PTPRG: variants seen among roughly 807,000 people sequenced by gnomAD.
The protein encoded by PTPRG is receptor-type tyrosine-protein phosphatase gamma.
A neutral mutation model predicts 165.3 loss-of-function variants in PTPRG; 102 were observed. That is an observed-to-expected ratio of 0.62 (90% confidence interval 0.53 to 0.73). The LOEUF (loss-of-function observed/expected upper bound fraction) is 0.73. Ranked by LOEUF, PTPRG falls within the 30% of genes least tolerant of loss-of-function variation. The probability of loss-of-function intolerance (pLI) is 0.00; values close to 1 mark genes in which losing one functional copy is unlikely to be tolerated. For missense variants in PTPRG, 1,866 were observed against 1,861.4 expected, an observed-to-expected ratio of 1.00 and a Z score of -0.05; for synonymous variants, 675 against 669.5, an observed-to-expected ratio of 1.01 and a Z score of -0.13.
intron 2 of PTPRG, among the ~76,000 whole-genome samples, chr3:61,956,090 T>TTATA (rs139960761): frequency 0.062 from 9,184 of 149,002 alleles, 368 homozygotes; most frequent in South Asian, 0.18. Flanking sequence ...GGGAAAAAAA[T>TTATA]TATATATATA....
At chr3:61,823,915 A>G (rs2036030487) in intron 2 of PTPRG, among the ~76,000 whole-genome samples, 1 of 152,076 alleles carries the variant, frequency 6.6e-6, no homozygotes, top group South Asian at 2.1e-4. Flanking sequence ...TCACAAGGTC[A>G]GGAGATCGAG....
chr3:61,582,138 C>T (rs1355001497), intron 1 of PTPRG, among the ~76,000 whole-genome samples: 1 of 151,500 alleles, frequency 6.6e-6, no homozygotes, highest in Non-Finnish European at 1.5e-5. Context: ...CGGCTGATTT[C>T]TGTATTTTTT....
intron 1 of PTPRG, among the ~76,000 whole-genome samples, chr3:61,592,350 C>G (rs990968789): frequency 1.3e-5 from 2 of 152,086 alleles, no homozygotes; most frequent in Non-Finnish European, 2.9e-5. Flanking sequence ...GTGTTCCCGC[C>G]TTCAGAGCAA....
At chr3:62,053,103 G>T (rs1284482591) in intron 4 of PTPRG, among the ~76,000 whole-genome samples, 3 of 151,874 alleles carry the variant, frequency 2.0e-5, no homozygotes, top group African/African-American at 7.3e-5. Context: ...CTCTGGCTTT[G>T]ATTTTTTTTT....
At chr3:62,238,275 C>A (rs946054520) in intron 14 of PTPRG, among the ~76,000 whole-genome samples, 1 of 152,120 alleles carries the variant, frequency 6.6e-6, no homozygotes, top group Non-Finnish European at 1.5e-5. Flanking sequence ...TGAGCTCTTT[C>A]TTGTACCCAT....
chr3:61,623,563 T>C (rs944654143), intron 1 of PTPRG, among the ~76,000 whole-genome samples: 1 of 152,166 alleles, frequency 6.6e-6, no homozygotes, highest in Non-Finnish European at 1.5e-5. Context: ...GAGGTAGGTA[T>C]AGCTTGGGGT....
At chr3:61,927,912 G>A (rs2039264193) in intron 2 of PTPRG, among the ~76,000 whole-genome samples, 1 of 152,116 alleles carries the variant, frequency 6.6e-6, no homozygotes, top group Non-Finnish European at 1.5e-5. Context: ...CTTTCCAGGT[G>A]AGGTATACGT....
chr3:62,209,549 C>G (rs1324399232), intron 12 of PTPRG, among the ~76,000 whole-genome samples: 1 of 152,168 alleles, frequency 6.6e-6, no homozygotes, highest in East Asian at 1.9e-4. Flanking sequence ...TTAGTTACAT[C>G]AGGCACTTGT....
At chr3:61,956,279 CTCT>C in intron 2 of PTPRG, among the ~76,000 whole-genome samples, 1 of 82,676 alleles carries the variant, frequency 1.2e-5, no homozygotes, top group East Asian at 4.2e-4. Flanking sequence ...CACGCTGTCT[CTCT>C]CTCTCTCTCT....
At chr3:62,011,562 TTTAG>T (rs2041423545) in intron 4 of PTPRG, among the ~76,000 whole-genome samples, 2 of 151,570 alleles carry the variant, frequency 1.3e-5, no homozygotes, top group South Asian at 4.1e-4. Context: ...TTGGTTGAAA[TTTAG>T]TTAATGACTT....
In PTPRG at chr3:62,203,404, C is replaced by T. The variant is rs1205025610; in HGVS notation, c.1609C>T (p.Arg537Cys). ...SSFPSTVWPT[R>C]LPTAASASKQ... ...TTTCCCCAGCACTGTGTGGCCCACG[C>T]GCCTCCCGACGGCCGCCTCAGCCAG... The change falls in exon 12 of 30, where the codon CGC becomes TGC. Residue 537 changes from arginine (R) to cysteine (C), a missense_variant. Physicochemically the swap from Arg to Cys is radical, Grantham distance 180. Around this residue, in one of 3 missense-constraint regions of PTPRG, gnomAD observed 1,452 missense variants for 1,463.0 expected, o/e 0.99. Coordinates refer to ENST00000474889, the MANE Select transcript of PTPRG (RefSeq NM_002841.4). The surrounding 1 kb of genome is among the most constrained non-coding windows in gnomAD (Gnocchi z 6.4). The T allele has an allele frequency of 9.3e-6, 15 of 1,612,188 alleles. No individual in the cohort carries two copies. Among genetic ancestry groups the T allele is most frequent in the Non-Finnish European group, 1.1e-5 (13 of 1,179,504 alleles).
chr3:61,823,862 C>T (rs1038016359), intron 2 of PTPRG, among the ~76,000 whole-genome samples: 2 of 152,128 alleles, frequency 1.3e-5, no homozygotes, highest in African/African-American at 2.4e-5. Context: ...TGCAGTGGCT[C>T]ACGCCTGTAA....
At chr3:61,806,695 G>T (rs1381154022) in intron 2 of PTPRG, among the ~76,000 whole-genome samples, 2 of 152,112 alleles carry the variant, frequency 1.3e-5, no homozygotes. Flanking sequence ...AATAGGCTCC[G>T]ATGGGCCCAT....
intron 7 of PTPRG, among the ~76,000 whole-genome samples, chr3:62,157,703 A>G (rs780159505): frequency 5.9e-5 from 9 of 152,308 alleles, no homozygotes; most frequent in East Asian, 1.9e-4. Flanking sequence ...TTTGCCCACA[A>G]TCACACAACT....
At position 62,275,945 on chromosome 3, in the gene PTPRG, A is replaced by G; in HGVS notation, c.3538A>G (p.Arg1180Gly). The change falls in exon 24 of 30, where the codon AGA (arginine) becomes GGA (glycine). Residue 1180 changes from arginine to glycine, a missense_variant. By Grantham distance (125) the Arg-to-Gly change is moderately radical. This residue lies in a region of PTPRG where 1,452 missense variants were observed against 1,463.0 expected (regional missense o/e 0.99). Transcript: ENST00000474889. ...AQKECNKEKN[R>G]NSSVVPSERA... ...GAAAGAGTGTAACAAAGAAAAGAAC[A>G]GAAACTCTTCAGTTGTGCCATGTAA... The G allele has an allele frequency of 6.2e-7, 1 of 1,610,224 alleles. No homozygotes were observed. The highest frequency in any genetic ancestry group is 8.5e-7 in the Non-Finnish European group (1 of 1,176,938).
intron 2 of PTPRG, among the ~76,000 whole-genome samples, chr3:61,801,337 C>G (rs1355524825): frequency 6.8e-6 from 1 of 146,898 alleles, no homozygotes; most frequent in Non-Finnish European, 1.5e-5. Context: ...TTGAGACAGT[C>G]TTGCTCTGTC....
chr3:61,742,543 A>C lies in PTPRG; in HGVS notation c.86-6335A>C, dbSNP rs1410258407. On this transcript the variant is annotated intron_variant, in intron 1 of 29. Transcript: ENST00000474889. ...GTTTTTCTTGAGCAATGACACCAAG[A>C]AGTTGACAGCCAGGTGAATGTTATA... The C allele has an allele frequency of 1.9e-6, 3 of 1,596,340 alleles. No homozygotes were observed. The African/African-American group carries it at 4.0e-5, about 21-fold the overall frequency.
At chr3:62,159,400 C>G (rs1004929672) in intron 7 of PTPRG, among the ~76,000 whole-genome samples, 1 of 151,986 alleles carries the variant, frequency 6.6e-6, no homozygotes, top group Non-Finnish European at 1.5e-5. Context: ...ATATAGAATT[C>G]CATGTAAGGA....
intron 1 of PTPRG, among the ~76,000 whole-genome samples, chr3:61,602,942 T>G (rs894427531): frequency 1.3e-5 from 2 of 152,208 alleles, no homozygotes; most frequent in African/African-American, 4.8e-5. Context: ...TTCCTGCATT[T>G]TACTCTGATC....
Sources: gnomAD v4.1 joint callset for allele counts (sites outside exome capture counted in the v4.1 genomes callset) on GRCh38, gnomAD v4.1.1 for gene constraint, gnomAD v4.1.1 regional missense constraint, Gnocchi (gnomAD v3.1) non-coding constraint, MANE v1.5 for transcripts, NCBI Gene and HGNC (gene_info 2026-07-23, HGNC 2026-07-21) for gene names.